Variants in AVEN observed in about 807,000 individuals in gnomAD.
AVEN encodes the protein apoptosis and caspase activation inhibitor.
A neutral mutation model predicts 38.1 loss-of-function variants in AVEN; 41 were observed. That is an observed-to-expected ratio of 1.08 (90% CI 0.84 to 1.40). The LOEUF is 1.40. Ranked by LOEUF, AVEN falls within the 40% of genes most tolerant of loss-of-function variation. AVEN has a pLI of 0.00. For synonymous variants in AVEN, 206 were observed against 171.8 expected (o/e 1.20, Z -1.56); for missense variants, 605 against 438.8 (o/e 1.38, Z -3.38).
At chr15:34,013,033 T>C (rs1897700761) in intron 1 of AVEN, among the ~76,000 whole-genome samples, 1 of 152,052 alleles carries the variant, frequency 6.6e-6, no homozygotes, top group South Asian at 2.1e-4. Flanking sequence ...ACCTGACCAG[T>C]GTCTCCTCCT....
At chr15:33,869,793 T>A (rs1251105797) in intron 4 of AVEN, among the ~76,000 whole-genome samples, 1 of 152,008 alleles carries the variant, frequency 6.6e-6, no homozygotes, top group African/African-American at 2.4e-5. Context: ...TTGCTAGGAT[T>A]CTACTTAAAA....
At chr15:33,864,529 G>C (rs1228712849), downstream of AVEN, among the ~76,000 whole-genome samples, 1 of 152,208 alleles carries the variant, frequency 6.6e-6, no homozygotes, top group Non-Finnish European at 1.5e-5. Context: ...GTACAACGGA[G>C]TGAGAGACAG....
chr15:33,878,135 T>G (rs1434517037), intron 2 of AVEN, among the ~76,000 whole-genome samples: 1 of 152,182 alleles, frequency 6.6e-6, no homozygotes, highest in Non-Finnish European at 1.5e-5. Flanking sequence ...TTTCACCTAA[T>G]GAAGTCTATA....
At chr15:33,906,374 T>A (rs921931603) in intron 2 of AVEN, among the ~76,000 whole-genome samples, 2 of 152,242 alleles carry the variant, frequency 1.3e-5, no homozygotes, top group Non-Finnish European at 2.9e-5. Context: ...TTTAAAATAC[T>A]GAATGATATG....
At chr15:33,906,817 G>C (rs1892720223) in intron 2 of AVEN, among the ~76,000 whole-genome samples, 1 of 152,178 alleles carries the variant, frequency 6.6e-6, no homozygotes, top group Admixed American at 6.5e-5. Context: ...TGATGATGAT[G>C]ATGGTTGCAT....
chr15:33,983,210 A>ATGTATGTGTATATATATG (rs1896259804), intron 2 of AVEN, among the ~76,000 whole-genome samples: 1 of 20,862 alleles, frequency 4.8e-5, no homozygotes, highest in Non-Finnish European at 9.7e-5. Flanking sequence ...GTATATATAT[A>ATGTATGTGTATATATATG]TATACATATA....
intron 2 of AVEN, among the ~76,000 whole-genome samples, chr15:33,889,363 G>C (rs1891838440): frequency 6.6e-6 from 1 of 152,166 alleles, no homozygotes; most frequent in Non-Finnish European, 1.5e-5. Context: ...GTATCCAGCA[G>C]ATTTCTTGCT....
chr15:34,015,327 C>CA (rs1387203518), intron 1 of AVEN, among the ~76,000 whole-genome samples: 1 of 151,694 alleles, frequency 6.6e-6, no homozygotes, highest in Non-Finnish European at 1.5e-5. Flanking sequence ...ACTAAAAATA[C>CA]AAAAAATTAG....
chr15:33,866,677 G>T lies in AVEN; in HGVS notation c.1025C>A (p.Pro342Gln). 1 of 1,613,962 alleles carries T rather than the reference G, an allele frequency of 6.2e-7. No individual in the cohort carries two copies. The highest frequency in any genetic ancestry group is 8.5e-7 in the Non-Finnish European group (1 of 1,179,918). The change falls in exon 6 of 6, where the codon CCA (proline) becomes CAA (glutamine). Residue 342 changes from proline to glutamine, a missense_variant. Transcript: ENST00000306730. Reference sequence around the variant, plus strand: ...CTCGGTAACATTTTTGGAGGTACTTGGTTGCTCAGGTTCCATGTTTTTTTC... The same window carrying T: ...CTCGGTAACATTTTTGGAGGTACTTTGTTGCTCAGGTTCCATGTTTTTTTC... ...TEEKNMEPEQ[P>Q]STSKNVTEEE...
At chr15:33,918,522 A>G (rs1297111957) in intron 2 of AVEN, among the ~76,000 whole-genome samples, 1 of 119,512 alleles carries the variant, frequency 8.4e-6, no homozygotes, top group East Asian at 2.6e-4. Context: ...ATTGAAGTGC[A>G]GTGGCGTGAT....
intron 5 of AVEN, among the ~76,000 whole-genome samples, chr15:34,050,156 G>T (rs986535899): frequency 6.6e-6 from 1 of 152,102 alleles, no homozygotes; most frequent in Admixed American, 6.6e-5. Flanking sequence ...CCAAAGTGCT[G>T]GGATTACAGG....
intron 1 of AVEN, among the ~76,000 whole-genome samples, chr15:34,073,038 T>TTTTTC: frequency 6.6e-6 from 1 of 151,514 alleles, no homozygotes; most frequent in Non-Finnish European, 1.5e-5. Context: ...GACACTTTTT[T>TTTTTC]TTTTTCTTTT....
At chr15:33,999,351 C>A (rs536527740) in intron 2 of AVEN, among the ~76,000 whole-genome samples, 2 of 152,274 alleles carry the variant, frequency 1.3e-5, no homozygotes, top group Admixed American at 1.3e-4. Flanking sequence ...CACAGCACTA[C>A]CTCAGTGCTT....
At chr15:33,902,991 C>T (rs1381601110) in intron 2 of AVEN, among the ~76,000 whole-genome samples, 8 of 152,244 alleles carry the variant, frequency 5.3e-5, no homozygotes, top group Middle Eastern at 3.4e-3. Flanking sequence ...TTCTTTTGGC[C>T]GCCAGGATCT....
intron 2 of AVEN, among the ~76,000 whole-genome samples, chr15:33,904,852 G>A (rs1892635468): frequency 6.6e-6 from 1 of 151,818 alleles, no homozygotes; most frequent in Admixed American, 6.6e-5. Context: ...ACTTTTGGTT[G>A]GGCGTGGTGG....
chr15:34,024,999 C>T (rs1249346275), intron 1 of AVEN, among the ~76,000 whole-genome samples: 3 of 151,432 alleles, frequency 2.0e-5, no homozygotes, highest in African/African-American at 4.9e-5. Flanking sequence ...TAGAGAACCC[C>T]GTCTCTACTA....
At chr15:34,047,298 G>C (rs1275294989) in intron 5 of AVEN, among the ~76,000 whole-genome samples, 1 of 152,088 alleles carries the variant, frequency 6.6e-6, no homozygotes, top group African/African-American at 2.4e-5. Context: ...AGAATGGTCT[G>C]GATCTCCTGA....
At chr15:33,909,813 G>A (rs904501559) in intron 2 of AVEN, among the ~76,000 whole-genome samples, 1 of 152,130 alleles carries the variant, frequency 6.6e-6, no homozygotes, top group Non-Finnish European at 1.5e-5. Context: ...TTGCATTTAT[G>A]TAGCACCTTT....
intron 2 of AVEN, among the ~76,000 whole-genome samples, chr15:33,977,914 G>C (rs1323404030): frequency 6.7e-6 from 1 of 150,004 alleles, no homozygotes; most frequent in Admixed American, 6.7e-5. Context: ...TCCAGCCTGG[G>C]TGACAGAACG....
Sources: allele counts gnomAD v4.1 joint callset (sites outside exome capture counted in the v4.1 genomes callset), GRCh38; gene constraint gnomAD v4.1.1; transcripts MANE v1.5; gene names NCBI Gene and HGNC (gene_info 2026-07-23, HGNC 2026-07-21).